The following RUNX3 variants were observed in gnomAD, a reference collection of about 807,000 sequenced individuals.
The protein encoded by RUNX3 is runt-related transcription factor 3.
RUNX3 carries 10 observed loss-of-function variants against 27.7 expected under a neutral mutation model. That is an observed-to-expected ratio of 0.36 (90% CI 0.22 to 0.61). The LOEUF (loss-of-function observed/expected upper bound fraction) is 0.61. Ranked by LOEUF, RUNX3 falls within the 20% of genes least tolerant of loss-of-function variation. RUNX3 has a pLI of 0.72. For synonymous variants in RUNX3, 270 were observed against 269.2 expected (o/e 1.00, Z -0.03); for missense variants, 469 against 629.5 (o/e 0.75, Z 2.73).
At chr1:24,945,735 GC>G (rs1641589859) in intron 2 of RUNX3, among the ~76,000 whole-genome samples, 1 of 152,120 alleles carries the variant, frequency 6.6e-6, no homozygotes, top group Non-Finnish European at 1.5e-5. Context: ...CTCTCTAACA[GC>G]CCCCGGTTCC....
rs780389692 is a variant in RUNX3 at position 24,903,115 on chromosome 1, C to T, written c.704-449G>A. 4.8e-4 allele frequency among the ~76,000 whole-genome samples: 73 copies of T among 152,250 alleles called. 2 individuals carry two copies. The highest frequency in any genetic ancestry group is 5.9e-5 in the Non-Finnish European group (4 of 68,012). ...TGGATGTGTAAAGGGCTCCAATGAC[C>T]GTGTGAGACTGGGAGTTGGAACCCG... On this transcript the variant is annotated intron_variant, in intron 4 of 4. Transcript: ENST00000308873.
chr1:24,902,139 C>A lies in RUNX3; in HGVS notation c.1231G>T (p.Val411Leu). 6.4e-7 allele frequency: 1 copy of A among 1,554,344 alleles called. No homozygotes were observed. Among genetic ancestry groups the A allele is most frequent in the Non-Finnish European group, 8.7e-7 (1 of 1,148,470 alleles). Reference protein sequence around the residue: ...LSTPGRMDEAVWRPY With the variant: ...LSTPGRMDEALWRPY ...CAGGGCGGTCAGTAGGGCCGCCACA[C>A]GGCCTCATCCATGCGGCCTGGCGTG... The change falls in exon 5 of 5, where the codon GTG becomes TTG. Residue 411 changes from valine (V) to leucine (L), a missense_variant. Val to Leu is a conservative substitution (Grantham distance 32, BLOSUM62 1). Transcript: ENST00000308873. The surrounding 1 kb of genome is among the most constrained non-coding windows in gnomAD (Gnocchi z 9.2).
chr1:24,904,878 G>A lies in RUNX3; in HGVS notation c.704-2212C>T, dbSNP rs1019743095. ...TCCTGTACCCCCACCCTGCGGCCTCGCAGCCCCAGGAAACCCGAGCTGCCC... is the reference window on the plus strand; with the variant it reads ...TCCTGTACCCCCACCCTGCGGCCTCACAGCCCCAGGAAACCCGAGCTGCCC... On this transcript the variant is annotated intron_variant, in intron 4 of 4. Transcript: ENST00000308873. This position sits in a 1 kb window ranked among gnomAD's most constrained non-coding sequence, Gnocchi z 5.7. 2.1e-4 allele frequency among the ~76,000 whole-genome samples: 32 copies of A among 152,276 alleles called. No individual in the cohort carries two copies. Among genetic ancestry groups the A allele is most frequent in the Admixed American group, 1.9e-3 (29 of 15,302 alleles).
At chr1:24,947,913 G>A (rs1415829784) in intron 2 of RUNX3, among the ~76,000 whole-genome samples, 2 of 152,204 alleles carry the variant, frequency 1.3e-5, no homozygotes, top group African/African-American at 2.4e-5. Flanking sequence ...ACCAGGTGAG[G>A]CTGCCTCCTC....
chr1:24,930,440 G>A (rs1247558334), upstream of RUNX3, among the ~76,000 whole-genome samples: 1 of 152,058 alleles, frequency 6.6e-6, no homozygotes, highest in African/African-American at 2.4e-5. The surrounding 1 kb of genome is among the most constrained non-coding windows in gnomAD (Gnocchi z 4.1). Context: ...ACGGGGAGGG[G>A]CGGAAGGCGC....
chr1:24,902,370 A>G lies in RUNX3; in HGVS notation c.1000T>C (p.Tyr334His). The change falls in exon 5 of 5, where the codon TAC becomes CAC. Residue 334 changes from tyrosine to histidine, a missense_variant. Tyr to His is a moderately conservative substitution (Grantham distance 83). This residue lies in a region of RUNX3 where 279 missense variants were observed against 343.0 expected (regional missense o/e 0.81). Coordinates refer to ENST00000308873, the MANE Select transcript of RUNX3 (RefSeq NM_004350.3). This position sits in a 1 kb window ranked among gnomAD's most constrained non-coding sequence, Gnocchi z 9.2. The stretch of plus-strand genomic sequence containing the variant: ...TGGTAGGAGCCAGAGGATGTCCCGT[A>G]GTAGAGGTGGTAGGGGGACGGGTTG... The part of the protein sequence containing the change: ...QANPSPYHLY[Y>H]GTSSGSYQFS... 6.2e-7 allele frequency: 1 copy of G among 1,612,458 alleles called. No individual in the cohort carries two copies. The highest frequency in any genetic ancestry group is 8.5e-7 in the Non-Finnish European group (1 of 1,179,862).
In RUNX3 at chr1:24,927,851, C is replaced by T; in HGVS notation, c.283-121G>A. On this transcript the variant is annotated intron_variant, in intron 1 of 4. Transcript: ENST00000308873. The surrounding 1 kb of genome is among the most constrained non-coding windows in gnomAD (Gnocchi z 5.0). ...CAGGTCCCAGGCACACTGAGTATTT[C>T]TCCAATGCAGGGTGGAGAAGAGGCT... 1.2e-6 allele frequency: 1 copy of T among 807,044 alleles called. No homozygotes were observed. The highest frequency in any genetic ancestry group is 1.6e-5 in the South Asian group (1 of 62,392). The allele number at this position is 807,044 out of a possible 1,614,324, so 50.0% of individuals were successfully genotyped here. A position where few individuals can be genotyped will look rare whatever the true frequency, so the allele number is the denominator to read the frequency against.
At chr1:24,933,394 G>A (rs1451945091), upstream of RUNX3, among the ~76,000 whole-genome samples, 1 of 152,190 alleles carries the variant, frequency 6.6e-6, no homozygotes, top group East Asian at 1.9e-4. Flanking sequence ...TCCAGCCTCC[G>A]GGAGCCATCA....
At position 24,929,942 on chromosome 1, in the gene RUNX3, C is replaced by T. The variant is rs935780914; in HGVS notation, c.-74G>A. The T allele has an allele frequency of 7.9e-5, 96 of 1,216,900 alleles. No individual in the cohort carries two copies. The African/African-American group carries it at 1.4e-3, about 18-fold the overall frequency. The allele number at this position is 1,216,900 out of a possible 1,614,324, so 75.4% of individuals were successfully genotyped here. A position where few individuals can be genotyped will look rare whatever the true frequency, so the allele number is the denominator to read the frequency against. ...CCGGGGGCGGCCGGCGCGGGCGCCT[C>T]CTCGGCCGCCGCTGCCGCGAGAAGC... On this transcript the variant is annotated 5_prime_UTR_variant, in exon 1 of 5. Coordinates refer to ENST00000308873, the MANE Select transcript of RUNX3 (RefSeq NM_004350.3).
intron 2 of RUNX3, among the ~76,000 whole-genome samples, chr1:24,953,402 G>GAAAAAAA (rs553316885): frequency 3.8e-4 from 27 of 70,342 alleles, no homozygotes; most frequent in Non-Finnish European, 4.7e-4. Context: ...AAAGAAAAAT[G>GAAAAAAA]AAAAAAAAAA....
chr1:24,953,680 A>C (rs1641837851), intron 2 of RUNX3, among the ~76,000 whole-genome samples: 1 of 152,154 alleles, frequency 6.6e-6, no homozygotes, highest in African/African-American at 2.4e-5. Context: ...TAACACCTAT[A>C]CAGGTTGATT....
chr1:24,912,361 G>A (rs1399051645), intron 3 of RUNX3, among the ~76,000 whole-genome samples: 1 of 152,170 alleles, frequency 6.6e-6, no homozygotes, highest in Non-Finnish European at 1.5e-5. Context: ...ACTTCTTCCT[G>A]CTGCTGCTGT....
rs769002121 is a variant in RUNX3 at position 24,907,343 on chromosome 1, G to A, written c.619C>T (p.Arg207Trp). The change falls in exon 4 of 5, where the codon CGG becomes TGG. Residue 207 changes from arginine (R) to tryptophan (W), a missense_variant. By Grantham distance (101) the Arg-to-Trp change is moderately radical (BLOSUM62 -3). Transcript: ENST00000308873. ...GGGCTGGGTGTGCTCGGTGTCACCCGCATGCGCAGCCGTTCCAGGTCCCCA... is the reference window on the plus strand; with the variant it reads ...GGGCTGGGTGTGCTCGGTGTCACCCACATGCGCAGCCGTTCCAGGTCCCCA... The part of the protein sequence containing the change: ...RFGDLERLRM[R>W]VTPSTPSPRG... The A allele has an allele frequency of 5.0e-6, 8 of 1,613,540 alleles. No homozygotes were observed. Among genetic ancestry groups the A allele is most frequent in the African/African-American group, 1.3e-5 (1 of 74,910 alleles).
chr1:24,940,636 G>A (rs535473171), intron 2 of RUNX3, among the ~76,000 whole-genome samples: 1 of 152,032 alleles, frequency 6.6e-6, no homozygotes, highest in East Asian at 1.9e-4. Flanking sequence ...ACTTGTGTCT[G>A]TAATCTCAGC....
chr1:24,915,677 G>GA (rs1239489261), intron 3 of RUNX3, among the ~76,000 whole-genome samples: 1 of 151,970 alleles, frequency 6.6e-6, no homozygotes, highest in Non-Finnish European at 1.5e-5. Flanking sequence ...GTTCCAGATA[G>GA]AAAAAAGAGC....
intron 2 of RUNX3, among the ~76,000 whole-genome samples, chr1:24,925,728 C>T (rs930773684): frequency 7.2e-5 from 11 of 152,180 alleles, no homozygotes; most frequent in South Asian, 2.1e-4. Flanking sequence ...CTTCCTGCCT[C>T]CCAGGACCAC....
At chr1:24,934,747 C>T (rs892421885), upstream of RUNX3, among the ~76,000 whole-genome samples, 3 of 152,206 alleles carry the variant, frequency 2.0e-5, no homozygotes, top group Non-Finnish European at 4.4e-5. Flanking sequence ...ATGAACGCAT[C>T]ACCTGGCCAA....
At chr1:24,938,926 A>G (rs144721086) in intron 2 of RUNX3, among the ~76,000 whole-genome samples, 40 of 152,274 alleles carry the variant, frequency 2.6e-4, no homozygotes, top group Admixed American at 6.5e-4. Flanking sequence ...CTCTATTTAT[A>G]AATTATCCCG....
Position 24,930,275 on chromosome 1 carries a change from G to A in RUNX3, c.-407C>T. ...AGAACAAATCCTCCAGAATCAAGTG[G>A]CGGGGCCGCGGCCGCCCGCGCGGGG... On this transcript the variant is annotated 5_prime_UTR_variant, in exon 1 of 5. Coordinates refer to ENST00000308873, the MANE Select transcript of RUNX3 (RefSeq NM_004350.3). The surrounding 1 kb of genome is among the most constrained non-coding windows in gnomAD (Gnocchi z 4.1). The A allele has an allele frequency of 1.0e-6, 1 of 981,854 alleles. No individual in the cohort carries two copies. The allele number at this position is 981,854 out of a possible 1,614,324, so 60.8% of individuals were successfully genotyped here.
Sources: gnomAD v4.1 joint callset for allele counts (sites outside exome capture counted in the v4.1 genomes callset) on GRCh38, gnomAD v4.1.1 for gene constraint, gnomAD v4.1.1 regional missense constraint, Gnocchi (gnomAD v3.1) non-coding constraint, MANE v1.5 for transcripts, NCBI Gene and HGNC (gene_info 2026-07-23, HGNC 2026-07-21) for gene names.